The following ZSCAN31 variants were observed in gnomAD, a reference collection of about 807,000 sequenced individuals.
ZSCAN31 encodes zinc finger and SCAN domain containing 31.
In ZSCAN31, 14 loss-of-function variants were observed where a neutral mutation model predicts 22.5. The observed-to-expected ratio is 0.62, with a 90% CI of 0.41 to 0.97. ZSCAN31 has a LOEUF of 0.97. Ranked by LOEUF, ZSCAN31 falls within the 50% of genes least tolerant of loss-of-function variation. The pLI is 0.00. For synonymous variants in ZSCAN31, 168 were observed against 169.8 expected (o/e 0.99, Z 0.08); for missense variants, 424 against 483.4 (o/e 0.88, Z 1.15).
rs1156896412 is a variant in ZSCAN31, at chr6:28,333,942, C to T, written c.-96+2140G>A. Among the ~76,000 whole-genome samples, 1 of 151,560 alleles carries T rather than the reference C, an allele frequency of 6.6e-6. No homozygotes were observed. Among genetic ancestry groups the T allele is most frequent in the Non-Finnish European group, 1.5e-5 (1 of 67,920 alleles). On this transcript the variant is annotated intron_variant, in intron 1 of 3. Coordinates refer to ENST00000344279, the MANE Select transcript of ZSCAN31 (RefSeq NM_030899.5). This position sits in a 1 kb window ranked among gnomAD's most constrained non-coding sequence, Gnocchi z 4.1. ...ATGAGGGTAGAGGCAAAAGTGGAAG[C>T]AGAAAGCAAGAGTAGAAGCAGAAGA...
intron 2 of ZSCAN31, 36 bp from the exon 3 acceptor site, chr6:28,327,569 G>A (rs1295586248): frequency 5.6e-6 from 9 of 1,599,850 alleles, no homozygotes; most frequent in South Asian, 2.2e-5. Flanking sequence ...TAAAGAGGGG[G>A]ATTATAGGAG....
chr6:28,338,821 T>C (rs1312507479), upstream of ZSCAN31, among the ~76,000 whole-genome samples: 3 of 152,254 alleles, frequency 2.0e-5, no homozygotes, highest in Non-Finnish European at 2.9e-5. Context: ...AAAGTTAATG[T>C]AGCCATTCCT....
At chr6:28,354,413 AG>A (rs1228359610), upstream of ZSCAN31, among the ~76,000 whole-genome samples, 12 of 152,296 alleles carry the variant, frequency 7.9e-5, no homozygotes, top group Non-Finnish European at 1.5e-4. Flanking sequence ...CCCTTGGCCG[AG>A]GGAGACATAG....
chr6:28,336,212 C>T (rs1454028375), upstream of ZSCAN31: 4 of 152,282 alleles, frequency 2.6e-5, no homozygotes, highest in African/African-American at 9.7e-5. Context: ...TCTTTCCTTT[C>T]TAGGAATTCC....
intron 1 of ZSCAN31, among the ~76,000 whole-genome samples, chr6:28,334,682 G>A (rs1764007282): frequency 6.6e-6 from 1 of 152,196 alleles, no homozygotes; most frequent in African/African-American, 2.4e-5. Flanking sequence ...GAGGAAGGGA[G>A]GCAAAGAGTA....
At chr6:28,334,328 A>C (rs1763978759) in intron 1 of ZSCAN31, among the ~76,000 whole-genome samples, 1 of 152,238 alleles carries the variant, frequency 6.6e-6, no homozygotes, top group Admixed American at 6.5e-5. Context: ...ATATTTACTA[A>C]GTGTTTACGA....
At chr6:28,328,569 T>G (rs540163480) in intron 2 of ZSCAN31, among the ~76,000 whole-genome samples, 2 of 152,354 alleles carry the variant, frequency 1.3e-5, no homozygotes, top group African/African-American at 2.4e-5. Context: ...GTTATCCTGT[T>G]CTTTTTTCAA....
In ZSCAN31 at chr6:28,351,153, T is replaced by C. The variant is rs908532234; in HGVS notation, c.-371+2709A>G. Among the ~76,000 whole-genome samples the C allele has an allele frequency of 2.6e-5, 4 of 152,266 alleles. No individual in the cohort carries two copies. Among genetic ancestry groups the C allele is most frequent in the African/African-American group, 7.2e-5 (3 of 41,476 alleles). On this transcript the variant is annotated intron_variant, in intron 2 of 7. Transcript: ENST00000396838. The surrounding 1 kb of genome is among the most constrained non-coding windows in gnomAD (Gnocchi z 4.6). ...CTTTCCTTATCTTCAGTATATTTACTGATTTGATAAATACTTTGTGTTGGC... is the reference window on the plus strand; with the variant it reads ...CTTTCCTTATCTTCAGTATATTTACCGATTTGATAAATACTTTGTGTTGGC...
At chr6:28,353,697 C>G (rs1765216442) in intron 2 of ZSCAN31, among the ~76,000 whole-genome samples, 1 of 152,052 alleles carries the variant, frequency 6.6e-6, no homozygotes. Flanking sequence ...GAGTCTACAG[C>G]CTAGAAATAG....
At position 28,343,665 on chromosome 6, in the gene ZSCAN31, A is replaced by T. The variant is rs577056792; in HGVS notation, c.-370-1873T>A. ...TTCACGCCATTCTCCTGCTGGGACT[A>T]CAGGCGCCCACCACCATGCCCGGCT... On this transcript the variant is annotated intron_variant, in intron 2 of 7. Coordinates refer to the ZSCAN31 transcript ENST00000396838. Among the ~76,000 whole-genome samples the T allele has an allele frequency of 2.0e-5, 3 of 147,018 alleles. No homozygotes were observed. In the East Asian group the frequency reaches 6.1e-4, roughly 30 times the overall value.
chr6:28,330,354 A>C (rs1300480297), intron 1 of ZSCAN31, among the ~76,000 whole-genome samples: 3 of 152,236 alleles, frequency 2.0e-5, no homozygotes, highest in Non-Finnish European at 1.5e-5. Context: ...GCTAAACATA[A>C]GTTTATCACT....
chr6:28,326,905 A>T, intron 3 of ZSCAN31, 51 bp from the exon 4 acceptor site: 1 of 1,416,190 alleles, frequency 7.1e-7, no homozygotes, highest in Middle Eastern at 1.9e-4. Flanking sequence ...TTATGAAAGA[A>T]TACAATCATA....
At chr6:28,353,723 G>C (rs539518445) in intron 2 of ZSCAN31, 2 of 419,222 alleles carry the variant, frequency 4.8e-6, no homozygotes, top group Admixed American at 2.6e-5. Flanking sequence ...AAAACCTTGC[G>C]AGTGATTAAA....
At position 28,353,860 on chromosome 6, in the gene ZSCAN31, AC is replaced by A; in HGVS notation, c.-371+1del. 2.2e-6 allele frequency: 1 copy of A among 457,072 alleles called. No individual in the cohort carries two copies. Among genetic ancestry groups the A allele is most frequent in the Non-Finnish European group, 4.4e-6 (1 of 227,094 alleles). 28.3% of individuals were successfully genotyped at this position (457,072 alleles called of 1,614,324 possible). A position where few individuals can be genotyped will look rare whatever the true frequency, so the allele number is the denominator to read the frequency against. The stretch of plus-strand genomic sequence containing the variant: ...ATTAGCCAACATGTATATGGTACTT[AC>A]CACTGTCATGCCAAGTGTCAGGTTC... On this transcript the variant is annotated splice_donor_variant, in intron 2 of 7. Transcript: ENST00000396838. LOFTEE classifies it low-confidence loss of function (5UTR_SPLICE).
intron 2 of ZSCAN31, among the ~76,000 whole-genome samples, chr6:28,328,715 G>A (rs1011293716): frequency 2.0e-5 from 3 of 152,146 alleles, no homozygotes; most frequent in African/African-American, 7.2e-5. Flanking sequence ...GACAGGCATA[G>A]GAAATCACAA....
chr6:28,349,132 T>C lies in ZSCAN31; in HGVS notation c.-371+4730A>G, dbSNP rs62401450. On this transcript the variant is annotated intron_variant, in intron 2 of 7. Coordinates refer to the ZSCAN31 transcript ENST00000396838. This position sits in a 1 kb window ranked among gnomAD's most constrained non-coding sequence, Gnocchi z 4.1. ...TGTCTCATATACATAGGTGTATATA[T>C]ATGTCTCATATATAGGTGTATATAT... Among the ~76,000 whole-genome samples, 42 of 144,018 alleles carry C rather than the reference T, an allele frequency of 2.9e-4. 1 individual carries two copies. Among genetic ancestry groups the C allele is most frequent in the East Asian group, 2.9e-3 (14 of 4,896 alleles). 94.5% of individuals were successfully genotyped at this position (144,018 alleles called of 152,430 possible).
chr6:28,346,959 C>T (rs17378623), intron 2 of ZSCAN31, among the ~76,000 whole-genome samples: 4 of 152,116 alleles, frequency 2.6e-5, no homozygotes, highest in South Asian at 2.1e-4. Context: ...CTATACCAAA[C>T]GAACAGGAGA....
At chr6:28,353,854 G>A in intron 2 of ZSCAN31, 1 of 457,094 alleles carries the variant, frequency 2.2e-6, no homozygotes, top group Non-Finnish European at 4.4e-6. Flanking sequence ...CATGTATATG[G>A]TACTTACCAC....
intron 1 of ZSCAN31, among the ~76,000 whole-genome samples, chr6:28,330,346 T>C (rs865880973): frequency 6.6e-6 from 1 of 152,228 alleles, no homozygotes; most frequent in Non-Finnish European, 1.5e-5. Flanking sequence ...ACTTATGTGC[T>C]AAACATAAGT....
Sources: allele counts gnomAD v4.1 joint callset (sites outside exome capture counted in the v4.1 genomes callset), GRCh38; gene constraint gnomAD v4.1.1; non-coding constraint Gnocchi (gnomAD v3.1); transcripts MANE v1.5; gene names NCBI Gene and HGNC (gene_info 2026-07-23, HGNC 2026-07-21).